The following DPF3 variants were observed in gnomAD, a reference collection of about 807,000 sequenced individuals.
DPF3 encodes the protein double PHD fingers 3.
In DPF3, 18 loss-of-function variants were observed where a neutral mutation model predicts 56.8. The ratio of observed to expected loss-of-function variants is 0.32; its 90% CI spans 0.22 to 0.47. The LOEUF (loss-of-function observed/expected upper bound fraction) is 0.47, where lower values mean the gene tolerates loss of function less well. DPF3 is among the 20% of genes least tolerant of loss of function. The pLI, the probability that DPF3 is intolerant of heterozygous loss-of-function variation, is 1.00. For synonymous variants in DPF3, 188 were observed against 180.2 expected (o/e 1.04, Z -0.35); for missense variants, 403 against 488.8 (o/e 0.82, Z 1.65).
chr14:72,813,874 T>G (rs1883170945), intron 1 of DPF3, among the ~76,000 whole-genome samples: 2 of 152,066 alleles, frequency 1.3e-5, no homozygotes, highest in Admixed American at 6.6e-5. Flanking sequence ...CACCTTCCTC[T>G]CCAGGGCCCT....
chr14:72,884,808 G>A (rs553043071), intron 1 of DPF3, among the ~76,000 whole-genome samples: 22 of 151,046 alleles, frequency 1.5e-4, no homozygotes, highest in African/African-American at 5.3e-4. Flanking sequence ...AAAGGAAGGG[G>A]GATATAGGCT....
In DPF3 at chr14:72,650,152, G is replaced by GTAGATTAGCT. The variant is rs1402306314; in HGVS notation, c.872-20417_872-20416insAGCTAATCTA. Among the ~76,000 whole-genome samples the GTAGATTAGCT allele has an allele frequency of 3.4e-4, 52 of 152,306 alleles. 1 individual carries two copies. The East Asian group carries it at 9.9e-3, about 29-fold the overall frequency. On this transcript the variant is annotated intron_variant, in intron 8 of 10. Transcript: ENST00000556509. ...ACACTGCCCTTGAGGGAAAAATGAGGACCCAGAGGATGGCCTGGGGATGAG... is the reference window on the plus strand; with the variant it reads ...ACACTGCCCTTGAGGGAAAAATGAGGTAGATTAGCTACCCAGAGGATGGCCTGGGGATGAG...
intron 3 of DPF3, among the ~76,000 whole-genome samples, chr14:72,751,042 T>G (rs1890551699): frequency 6.6e-6 from 1 of 151,876 alleles, no homozygotes; most frequent in Admixed American, 6.6e-5. Context: ...AAGACAAAAT[T>G]AGCCAGACAT....
chr14:72,725,765 C>A (rs555937154), intron 4 of DPF3, among the ~76,000 whole-genome samples: 1 of 152,228 alleles, frequency 6.6e-6, no homozygotes, highest in East Asian at 1.9e-4. Context: ...AAGCAGGAAG[C>A]CCGGGGTGAG....
Position 72,892,295 on chromosome 14 carries a change from G to A in DPF3, c.32+1762C>T, listed in dbSNP as rs1431717387. 2.0e-6 allele frequency: 3 copies of A among 1,535,340 alleles called. No homozygotes were observed. In the African/African-American group the frequency reaches 4.1e-5, roughly 21 times the overall value. The stretch of plus-strand genomic sequence containing the variant: ...AGCGGTGTTGCAGCGAAAGCAACCG[G>A]CAGCGAGGATGCGGCGAAGTTACGC... On this transcript the variant is annotated intron_variant, in intron 1 of 10. Coordinates refer to ENST00000556509, the MANE Select transcript of DPF3 (RefSeq NM_001280542.3).
At chr14:72,798,458 A>T (rs1733937302) in intron 1 of DPF3, among the ~76,000 whole-genome samples, 1 of 152,182 alleles carries the variant, frequency 6.6e-6, no homozygotes, top group Non-Finnish European at 1.5e-5. Context: ...CCAAGATAGG[A>T]AATGGTTAAA....
intron 1 of DPF3, among the ~76,000 whole-genome samples, chr14:72,789,494 T>C (rs1036031221): frequency 1.3e-5 from 2 of 152,178 alleles, no homozygotes; most frequent in African/African-American, 4.8e-5. Flanking sequence ...ATCTATCCGC[T>C]TATTTAAGTC....
At chr14:72,723,005 C>A (rs1430781577) in intron 5 of DPF3, among the ~76,000 whole-genome samples, 1 of 144,700 alleles carries the variant, frequency 6.9e-6, no homozygotes, top group African/African-American at 2.5e-5. Flanking sequence ...CGGCAAACTT[C>A]TTTTTTTTTT....
At chr14:72,756,605 G>C (rs1157110098) in intron 2 of DPF3, among the ~76,000 whole-genome samples, 2 of 152,106 alleles carry the variant, frequency 1.3e-5, no homozygotes, top group Non-Finnish European at 2.9e-5. Flanking sequence ...TGAAGCCCAG[G>C]AGTTCAAGAC....
chr14:72,689,354 G>C (rs1887574394), intron 7 of DPF3, among the ~76,000 whole-genome samples: 1 of 152,134 alleles, frequency 6.6e-6, no homozygotes. Flanking sequence ...TGCAGCTTGG[G>C]TCACCCTGCA....
At chr14:72,850,768 CT>C (rs1164983110) in intron 1 of DPF3, among the ~76,000 whole-genome samples, 2 of 152,092 alleles carry the variant, frequency 1.3e-5, no homozygotes, top group African/African-American at 4.8e-5. Context: ...CTAATCTCCC[CT>C]GGACCTAAAT....
In DPF3 at chr14:72,848,664, G is replaced by C. The variant is rs374671570; in HGVS notation, c.32+45393C>G. ...CCATTATGTAAAGCAGGTAGTACCA[G>C]GGCTAAACAAACTGATTTACTCAAG... On this transcript the variant is annotated intron_variant, in intron 1 of 10. Coordinates refer to ENST00000556509, the MANE Select transcript of DPF3 (RefSeq NM_001280542.3). Among the ~76,000 whole-genome samples the C allele has an allele frequency of 1.3e-4, 20 of 152,290 alleles. No homozygotes were observed. In the East Asian group the frequency reaches 3.7e-3, roughly 28 times the overall value.
At chr14:72,671,486 T>C (rs765408847) in intron 8 of DPF3, 2 of 1,132,362 alleles carry the variant, frequency 1.8e-6, no homozygotes, top group Non-Finnish European at 1.3e-6. Context: ...CATCACCTGG[T>C]GACGGGGATT....
At chr14:72,725,923 T>C (rs1209425389) in intron 4 of DPF3, among the ~76,000 whole-genome samples, 2 of 152,218 alleles carry the variant, frequency 1.3e-5, no homozygotes, top group Admixed American at 6.5e-5. Flanking sequence ...ACTAGGTTTA[T>C]TTGGGAATCC....
intron 1 of DPF3, among the ~76,000 whole-genome samples, chr14:72,800,597 CATGA>C (rs1208002775): frequency 6.7e-6 from 1 of 149,074 alleles, no homozygotes; most frequent in East Asian, 2.0e-4. Flanking sequence ...TGGATGTGTG[CATGA>C]ATGAATGCAT....
chr14:72,719,418 G>T (rs1353739352), intron 5 of DPF3, among the ~76,000 whole-genome samples: 1 of 152,028 alleles, frequency 6.6e-6, no homozygotes, highest in African/African-American at 2.4e-5. Context: ...GCATCACTTG[G>T]GAGCTTATTA....
intron 8 of DPF3, chr14:72,661,657 C>G (rs1244669509): frequency 6.4e-5 from 63 of 985,278 alleles, no homozygotes; most frequent in Non-Finnish European, 7.6e-5. Context: ...GTTAGAACAC[C>G]CGCCGTCTTC....
intron 5 of DPF3, among the ~76,000 whole-genome samples, chr14:72,722,479 G>A (rs1178768410): frequency 1.3e-5 from 2 of 152,202 alleles, no homozygotes; most frequent in East Asian, 3.9e-4. Flanking sequence ...TTTCTGAGTG[G>A]GGTCCTGGGA....
chr14:72,698,860 C>A (rs1308690538), intron 6 of DPF3, among the ~76,000 whole-genome samples: 1 of 66,492 alleles, frequency 1.5e-5, no homozygotes, highest in East Asian at 4.6e-4. Context: ...GCAAGCATGG[C>A]AGGTCCTGTG....
Sources: allele counts gnomAD v4.1 joint callset (sites outside exome capture counted in the v4.1 genomes callset), GRCh38; gene constraint gnomAD v4.1.1; transcripts MANE v1.5; gene names NCBI Gene and HGNC (gene_info 2026-07-23, HGNC 2026-07-21).